Variants in STAM observed in about 807,000 individuals in gnomAD.
STAM encodes the protein signal transducing adaptor molecule.
In STAM, 16 loss-of-function variants were observed where a neutral mutation model predicts 63.4. The observed-to-expected ratio is 0.25, with a 90% CI of 0.17 to 0.38. STAM has a LOEUF of 0.38. Ranked by LOEUF, STAM falls within the 10% of genes least tolerant of loss-of-function variation. The probability of loss-of-function intolerance (pLI) is 1.00; values close to 1 mark genes in which losing one functional copy is unlikely to be tolerated. For synonymous variants in STAM, 238 were observed against 223.9 expected, an observed-to-expected ratio of 1.06 and a Z score of -0.56; for missense variants, 636 against 657.1, an observed-to-expected ratio of 0.97 and a Z score of 0.35.
chr10:17,659,557 C>T (rs1220132138), intron 1 of STAM, among the ~76,000 whole-genome samples: 2 of 147,220 alleles, frequency 1.4e-5, no homozygotes, highest in African/African-American at 5.0e-5. Context: ...CAGCCTCAAC[C>T]TCTTGGGCTC....
At chr10:17,673,150 A>G in intron 2 of STAM, 1 of 563,054 alleles carries the variant, frequency 1.8e-6, no homozygotes, top group Non-Finnish European at 2.3e-6. Flanking sequence ...GTATTTTTAC[A>G]AAATATTTTG....
intron 2 of STAM, among the ~76,000 whole-genome samples, chr10:17,673,464 G>A (rs782370574): frequency 1.3e-5 from 2 of 152,070 alleles, no homozygotes; most frequent in South Asian, 2.1e-4. Context: ...GGCCCCATTC[G>A]CAATGACAGT....
chr10:17,706,369 C>CCT (rs1564570967), intron 12 of STAM, among the ~76,000 whole-genome samples: 2 of 70,182 alleles, frequency 2.8e-5, no homozygotes, highest in African/African-American at 6.2e-5. Flanking sequence ...GGTTGAGGCC[C>CCT]TTTTTTTTTT....
At chr10:17,660,201 A>G (rs1355992998) in intron 1 of STAM, among the ~76,000 whole-genome samples, 1 of 152,232 alleles carries the variant, frequency 6.6e-6, no homozygotes. Context: ...AGACCTATAT[A>G]TAATTTTTTT....
Position 17,700,078 on chromosome 10 carries a change from T to C in STAM, c.824-113T>C, listed in dbSNP as rs996544575. ...CAGTTATTTCTTAAATTGCGCCTTT[T>C]AGCTTGCTGGGAGTATAAGAAAAAT... On this transcript the variant is annotated intron_variant, in intron 8 of 13. Coordinates refer to ENST00000377524, the MANE Select transcript of STAM (RefSeq NM_003473.4). 9 of 754,324 alleles carry C rather than the reference T, an allele frequency of 1.2e-5. No homozygotes were observed. The African/African-American group carries it at 1.7e-4, about 14-fold the overall frequency. The allele number at this position is 754,324 out of a possible 1,614,324, so 46.7% of individuals were successfully genotyped here. A position where few individuals can be genotyped will look rare whatever the true frequency, so the allele number is the denominator to read the frequency against.
chr10:17,644,410 C>T (rs1833438299), intron 1 of STAM, 31 bp downstream of exon 1: 6 of 1,613,622 alleles, frequency 3.7e-6, no homozygotes, highest in Non-Finnish European at 2.5e-6. Context: ...CTGCCCATTC[C>T]TCACCGGACT....
At chr10:17,649,127 A>T (rs1554821263) in intron 1 of STAM, among the ~76,000 whole-genome samples, 1 of 152,216 alleles carries the variant, frequency 6.6e-6, no homozygotes, top group East Asian at 1.9e-4. Flanking sequence ...TCTTGGGCTG[A>T]ATGCAGTGGC....
At chr10:17,658,420 A>C (rs1834029007) in intron 1 of STAM, among the ~76,000 whole-genome samples, 1 of 152,120 alleles carries the variant, frequency 6.6e-6, no homozygotes, top group African/African-American at 2.4e-5. Flanking sequence ...TTTTTGGATG[A>C]AGTAGTCTAT....
At chr10:17,700,580 T>G (rs1835948808) in intron 9 of STAM, among the ~76,000 whole-genome samples, 1 of 130,924 alleles carries the variant, frequency 7.6e-6, no homozygotes, top group Non-Finnish European at 1.7e-5. Context: ...TACAGTGTAG[T>G]AGTGAGATTT....
chr10:17,646,740 T>G (rs1833534998), intron 1 of STAM, among the ~76,000 whole-genome samples: 1 of 152,224 alleles, frequency 6.6e-6, no homozygotes, highest in Non-Finnish European at 1.5e-5. Flanking sequence ...TCCCAGTACA[T>G]AAGCCTTGCA....
intron 1 of STAM, among the ~76,000 whole-genome samples, chr10:17,645,899 T>A (rs1833502250): frequency 6.6e-6 from 1 of 152,208 alleles, no homozygotes; most frequent in Admixed American, 6.5e-5. Context: ...ACAGCACCTT[T>A]GTCTAGTTTT....
At chr10:17,694,715 GA>G (rs1478166315) in intron 6 of STAM, among the ~76,000 whole-genome samples, 1 of 151,380 alleles carries the variant, frequency 6.6e-6, no homozygotes, top group Non-Finnish European at 1.5e-5. Context: ...TGATTATTTT[GA>G]AAAAAAGGTC....
chr10:17,668,435 C>G (rs184978096), intron 2 of STAM, among the ~76,000 whole-genome samples: 2 of 152,324 alleles, frequency 1.3e-5, no homozygotes, highest in Non-Finnish European at 2.9e-5. Context: ...AATATTGATA[C>G]ATTACTATTA....
At chr10:17,654,458 G>A (rs971245923) in intron 1 of STAM, among the ~76,000 whole-genome samples, 1 of 151,984 alleles carries the variant, frequency 6.6e-6, no homozygotes, top group African/African-American at 2.4e-5. Flanking sequence ...TCCTGACCTC[G>A]TGATCCGCCC....
chr10:17,693,626 A>G (rs1190384647), intron 6 of STAM, among the ~76,000 whole-genome samples: 2 of 152,168 alleles, frequency 1.3e-5, no homozygotes, highest in African/African-American at 4.8e-5. Context: ...CTCATGCAAC[A>G]TTATGTTTGA....
At chr10:17,699,906 A>G (rs1452061603) in intron 8 of STAM, among the ~76,000 whole-genome samples, 1 of 152,246 alleles carries the variant, frequency 6.6e-6, no homozygotes, top group Non-Finnish European at 1.5e-5. Context: ...TCTGATGTGT[A>G]GTAGGTGATT....
chr10:17,704,979 A>G lies in STAM; in HGVS notation c.1010A>G (p.His337Arg). ...PELLHLEAMC[H>R]QMGPLIDEKL... ...CATCTTGTCATTTTAGCAATGTGTC[A>G]CCAGATGGGACCTCTCATTGATGAA... Residue 337 changes from histidine to arginine, a missense_variant, in exon 11 of 14, where the codon CAC becomes CGC. His to Arg is a conservative substitution (Grantham distance 29). Transcript: ENST00000377524. 6.2e-7 allele frequency: 1 copy of G among 1,612,912 alleles called. No individual in the cohort carries two copies.
At chr10:17,682,116 A>C (rs1554825452) in intron 2 of STAM, among the ~76,000 whole-genome samples, 1 of 152,162 alleles carries the variant, frequency 6.6e-6, no homozygotes, top group African/African-American at 2.4e-5. Flanking sequence ...TATAAGTATC[A>C]CCCCAACCAA....
intron 6 of STAM, among the ~76,000 whole-genome samples, chr10:17,693,606 A>C (rs185506276): frequency 1.3e-5 from 2 of 152,208 alleles, no homozygotes; most frequent in African/African-American, 4.8e-5. Flanking sequence ...GCCATTTGCC[A>C]CTTGCTTTTC....
Sources: gnomAD v4.1 joint callset for allele counts (sites outside exome capture counted in the v4.1 genomes callset) on GRCh38, gnomAD v4.1.1 for gene constraint, MANE v1.5 for transcripts, NCBI Gene and HGNC (gene_info 2026-07-23, HGNC 2026-07-21) for gene names.